Variants in AMOTL1 observed in about 807,000 individuals in gnomAD.
The protein encoded by AMOTL1 is angiomotin like 1, also known as angiomotin-like protein 1.
In AMOTL1, 45 loss-of-function variants were observed where a neutral mutation model predicts 102.9. The observed-to-expected ratio is 0.44, with a 90% CI of 0.34 to 0.56. The LOEUF is 0.56. Among genes scored for constraint, AMOTL1 ranks in the 20% least tolerant of loss-of-function variants. AMOTL1 has a pLI of 0.01. For missense variants in AMOTL1, 1,114 were observed against 1,225.6 expected (o/e 0.91, Z 1.36); for synonymous variants, 481 against 484.7 (o/e 0.99, Z 0.10).
chr11:94,736,826 A>G (rs1001497815), intron 2 of AMOTL1, among the ~76,000 whole-genome samples: 2 of 152,210 alleles, frequency 1.3e-5, no homozygotes, highest in African/African-American at 2.4e-5. Flanking sequence ...CATTGCCCTG[A>G]GATTCAATAA....
In AMOTL1 at chr11:94,873,575, A is replaced by G. The variant is rs1192369178; in HGVS notation, c.*2780A>G. On this transcript the variant is annotated 3_prime_UTR_variant, in exon 13 of 13. Transcript: ENST00000433060. ...CTGGAGTACAGGGGGTGCGTTTATT[A>G]TTCTGATTTCACTGATGAGGAAATG... 1 of 152,214 alleles carries G rather than the reference A, an allele frequency of 6.6e-6. No individual in the cohort carries two copies. The highest frequency in any genetic ancestry group is 1.5e-5 in the Non-Finnish European group (1 of 68,022). The allele number at this position is 152,214 out of a possible 1,614,324, so 9.4% of individuals were successfully genotyped here. A position where few individuals can be genotyped will look rare whatever the true frequency, so the allele number is the denominator to read the frequency against.
intron 1 of AMOTL1, among the ~76,000 whole-genome samples, chr11:94,724,710 G>T (rs1250379970): frequency 6.6e-6 from 1 of 152,142 alleles, no homozygotes; most frequent in Non-Finnish European, 1.5e-5. Context: ...CATGTGTTTA[G>T]TGCAGTGACT....
rs200061183 is a variant in AMOTL1 at position 94,800,277 on chromosome 11, C to T, written c.1087C>T (p.Arg363Trp). Residue 363 changes from arginine to tryptophan, a missense_variant, in exon 3 of 13, where the codon CGG becomes TGG. Transcript: ENST00000433060. Reference sequence around the variant, plus strand: ...TGTGAGAACAGATGTGGCCGTCCTGCGGTACCAGCCACCCCCTGAGTATGG... The same window carrying T: ...TGTGAGAACAGATGTGGCCGTCCTGTGGTACCAGCCACCCCCTGAGTATGG... ...QPVRTDVAVL[R>W]YQPPPEYGVT... 1.3e-4 allele frequency: 212 copies of T among 1,611,492 alleles called. 1 individual carries two copies. In the African/African-American group the frequency reaches 2.4e-3, roughly 19 times the overall value.
chr11:94,797,293 A>C (rs374106453), intron 2 of AMOTL1, among the ~76,000 whole-genome samples: 1 of 152,332 alleles, frequency 6.6e-6, no homozygotes, highest in East Asian at 1.9e-4. Flanking sequence ...TTAGTGGTAG[A>C]ATTTCTACTT....
At chr11:94,763,247 C>A (rs891204272) in intron 3 of AMOTL1, among the ~76,000 whole-genome samples, 8 of 152,264 alleles carry the variant, frequency 5.3e-5, no homozygotes, top group Admixed American at 2.6e-4. Flanking sequence ...ACCATCTGGT[C>A]CTGACAAAGG....
chr11:94,709,281 C>T (rs1390817648), intron 1 of AMOTL1, among the ~76,000 whole-genome samples: 1 of 152,142 alleles, frequency 6.6e-6, no homozygotes, highest in Non-Finnish European at 1.5e-5. Flanking sequence ...TTTACATCTT[C>T]CTTCTGGGTT....
chr11:94,840,681 T>TACACACAC (rs111907230), intron 6 of AMOTL1, among the ~76,000 whole-genome samples: 25 of 104,758 alleles, frequency 2.4e-4, no homozygotes, highest in African/African-American at 1.0e-3. Context: ...TATATATATA[T>TACACACAC]ACACACACAC....
In AMOTL1 at chr11:94,875,387, G is replaced by A. The variant is rs564627752; in HGVS notation, c.*4592G>A. On this transcript the variant is annotated 3_prime_UTR_variant, in exon 13 of 13. Coordinates refer to ENST00000433060, the MANE Select transcript of AMOTL1 (RefSeq NM_130847.3). ...ATGGTATATAAAGACATGTGTATAA[G>A]TGAGTGCATACATATGAGGTATGAC... is the stretch of plus-strand genomic sequence containing the variant. 6.6e-6 allele frequency: 1 copy of A among 152,192 alleles called. No individual in the cohort carries two copies. Among genetic ancestry groups the A allele is most frequent in the Admixed American group, 6.5e-5 (1 of 15,278 alleles). The allele number at this position is 152,192 out of a possible 1,614,324, so 9.4% of individuals were successfully genotyped here. A position where few individuals can be genotyped will look rare whatever the true frequency, so the allele number is the denominator to read the frequency against.
intron 6 of AMOTL1, among the ~76,000 whole-genome samples, chr11:94,839,821 A>G (rs1289595313): frequency 2.0e-5 from 3 of 152,214 alleles, no homozygotes; most frequent in Non-Finnish European, 4.4e-5. Flanking sequence ...GTAAATGAAC[A>G]AAGTTTTTAT....
intron 2 of AMOTL1, among the ~76,000 whole-genome samples, chr11:94,796,739 G>A (rs1000546273): frequency 1.3e-5 from 2 of 152,118 alleles, no homozygotes; most frequent in African/African-American, 4.8e-5. Flanking sequence ...GCTATTGCAA[G>A]GACAGTAACA....
chr11:94,823,053 C>T (rs1003435959), intron 4 of AMOTL1, among the ~76,000 whole-genome samples: 6 of 152,138 alleles, frequency 3.9e-5, no homozygotes, highest in African/African-American at 7.2e-5. Flanking sequence ...ATTAATGCTC[C>T]GGCTGGCCGA....
rs1051049868 is a variant in AMOTL1 at position 94,863,177 on chromosome 11, A to G, written c.2136-1558A>G. Among the ~76,000 whole-genome samples the G allele has an allele frequency of 5.9e-5, 9 of 151,636 alleles. No homozygotes were observed. The South Asian group carries it at 1.5e-3, about 25-fold the overall frequency. On this transcript the variant is annotated intron_variant, in intron 9 of 12. Coordinates refer to ENST00000433060, the MANE Select transcript of AMOTL1 (RefSeq NM_130847.3). ...AGTTGTGAGAACTAAATGAGAGACC[A>G]TGTGTACCGTGCCCTACCCAGTCCC...
chr11:94,787,153 G>GA (rs1369413094), intron 1 of AMOTL1, among the ~76,000 whole-genome samples: 1 of 152,032 alleles, frequency 6.6e-6, no homozygotes, highest in Non-Finnish European at 1.5e-5. Flanking sequence ...AAATTGGGGG[G>GA]AGGAGGGAAA....
chr11:94,829,864 T>C lies in AMOTL1; in HGVS notation c.1414-186T>C, dbSNP rs1457250515. ...GAGCCTGTAATTTACAAGATCCTAA[T>C]GTAGTCTTTAGAGAGCAGGTGGGGG... On this transcript the variant is annotated intron_variant, in intron 4 of 12. Coordinates refer to ENST00000433060, the MANE Select transcript of AMOTL1 (RefSeq NM_130847.3). 1.4e-4 allele frequency among the ~76,000 whole-genome samples: 22 copies of C among 152,216 alleles called. 1 individual carries two copies. Among genetic ancestry groups the C allele is most frequent in the African/African-American group, 4.8e-5 (2 of 41,462 alleles).
At chr11:94,832,006 G>A (rs1163377877) in intron 6 of AMOTL1, among the ~76,000 whole-genome samples, 1 of 152,198 alleles carries the variant, frequency 6.6e-6, no homozygotes, top group Non-Finnish European at 1.5e-5. Context: ...ATCTCCATGT[G>A]TAACACTCAT....
chr11:94,820,125 C>G (rs1476076348), intron 3 of AMOTL1, among the ~76,000 whole-genome samples: 2 of 152,142 alleles, frequency 1.3e-5, no homozygotes, highest in Non-Finnish European at 2.9e-5. Context: ...AATGGTGCCC[C>G]TATCAATTTG....
chr11:94,752,093 C>T (rs1950663126), intron 3 of AMOTL1, among the ~76,000 whole-genome samples: 1 of 152,164 alleles, frequency 6.6e-6, no homozygotes, highest in Admixed American at 6.5e-5. Flanking sequence ...TACTCTCACA[C>T]TCCTCAAATC....
At chr11:94,741,663 A>G (rs1226585306) in intron 3 of AMOTL1, among the ~76,000 whole-genome samples, 2 of 152,012 alleles carry the variant, frequency 1.3e-5, no homozygotes, top group Non-Finnish European at 2.9e-5. Context: ...GCGAATGGGC[A>G]GGATCTCTCT....
At chr11:94,709,582 C>T (rs553262412) in intron 1 of AMOTL1, among the ~76,000 whole-genome samples, 8 of 152,268 alleles carry the variant, frequency 5.3e-5, no homozygotes, top group Non-Finnish European at 1.0e-4. Flanking sequence ...GGAGAGGCTA[C>T]AAGGATTGAA....
Sources: allele counts gnomAD v4.1 joint callset (sites outside exome capture counted in the v4.1 genomes callset), GRCh38; gene constraint gnomAD v4.1.1; transcripts MANE v1.5; gene names NCBI Gene and HGNC (gene_info 2026-07-23, HGNC 2026-07-21).